Variants in SCFD2 observed in about 807,000 individuals in gnomAD.
SCFD2 encodes the protein sec1 family domain-containing protein 2.
SCFD2 carries 54 observed loss-of-function variants against 58.9 expected under a neutral mutation model. The ratio of observed to expected loss-of-function variants is 0.92; its 90% CI spans 0.74 to 1.15. The LOEUF (loss-of-function observed/expected upper bound fraction) is 1.15, where lower values mean the gene tolerates loss of function less well. Among genes scored for constraint, SCFD2 ranks in the 50% most tolerant of loss-of-function variants. The probability of loss-of-function intolerance (pLI) is 0.00; values close to 1 mark genes in which losing one functional copy is unlikely to be tolerated. For missense variants in SCFD2, 805 were observed against 836.6 expected (o/e 0.96, Z 0.47); for synonymous variants, 321 against 335.9 (o/e 0.96, Z 0.49).
At chr4:53,361,311 C>A (rs1400505836) in intron 1 of SCFD2, among the ~76,000 whole-genome samples, 1 of 152,150 alleles carries the variant, frequency 6.6e-6, no homozygotes, top group Non-Finnish European at 1.5e-5. Context: ...AACTTTTGAG[C>A]CTCAATATCT....
Position 53,109,054 on chromosome 4 carries a change from G to A in SCFD2, c.1561+36279C>T, listed in dbSNP as rs996667753. On this transcript the variant is annotated intron_variant, in intron 5 of 8. Coordinates refer to ENST00000401642, the MANE Select transcript of SCFD2 (RefSeq NM_152540.4). Reference sequence around the variant, plus strand: ...AGCTTCATACCTGGGATGCAAGACTGGTTCAACATATGCAAATCAACAAAT... The same window carrying A: ...AGCTTCATACCTGGGATGCAAGACTAGTTCAACATATGCAAATCAACAAAT... Among the ~76,000 whole-genome samples, 5 of 152,260 alleles carry A rather than the reference G, an allele frequency of 3.3e-5. 1 individual carries two copies. Among genetic ancestry groups the A allele is most frequent in the East Asian group, 3.9e-4 (2 of 5,184 alleles).
intron 4 of SCFD2, among the ~76,000 whole-genome samples, chr4:53,189,555 G>A (rs1727835524): frequency 6.6e-6 from 1 of 152,134 alleles, no homozygotes; most frequent in Non-Finnish European, 1.5e-5. Flanking sequence ...AGAGCAGTAA[G>A]GGAGGAATTC....
chr4:52,907,331 T>G, intron 7 of SCFD2, 126 bp downstream of exon 7: 1 of 928,146 alleles, frequency 1.1e-6, no homozygotes, highest in East Asian at 2.4e-5. Flanking sequence ...CCCTTGATTT[T>G]AGAAGAGCCA....
chr4:53,076,378 G>T (rs1723974770), intron 5 of SCFD2, among the ~76,000 whole-genome samples: 2 of 152,070 alleles, frequency 1.3e-5, no homozygotes. Flanking sequence ...AGACAGAATG[G>T]CAGGCAAGAG....
intron 1 of SCFD2, among the ~76,000 whole-genome samples, chr4:53,359,378 T>G (rs575698875): frequency 6.6e-6 from 1 of 152,190 alleles, no homozygotes; most frequent in African/African-American, 2.4e-5. Flanking sequence ...TTCCTTTTGG[T>G]CTCTATATTA....
chr4:53,196,761 G>T (rs1728070719), intron 4 of SCFD2, among the ~76,000 whole-genome samples: 1 of 149,826 alleles, frequency 6.7e-6, no homozygotes, highest in Non-Finnish European at 1.5e-5. Flanking sequence ...GGGGGAAGGA[G>T]AATTCAACTT....
At chr4:53,284,118 C>CAAA (rs561985080) in intron 3 of SCFD2, among the ~76,000 whole-genome samples, 1 of 82,224 alleles carries the variant, frequency 1.2e-5, no homozygotes. Context: ...GACTCCATCT[C>CAAA]AAAAAAAAAA....
At chr4:52,964,409 C>T (rs1417981121) in intron 5 of SCFD2, among the ~76,000 whole-genome samples, 1 of 152,138 alleles carries the variant, frequency 6.6e-6, no homozygotes, top group Non-Finnish European at 1.5e-5. Context: ...ACAGGTCCAA[C>T]TTTTCCAAAA....
intron 4 of SCFD2, among the ~76,000 whole-genome samples, chr4:53,272,420 T>C (rs1461141041): frequency 6.6e-6 from 1 of 152,180 alleles, no homozygotes; most frequent in Non-Finnish European, 1.5e-5. Context: ...ATTGCAGCAC[T>C]ATTCACAATA....
chr4:52,959,634 C>G (rs2109539101), intron 5 of SCFD2, among the ~76,000 whole-genome samples: 1 of 152,276 alleles, frequency 6.6e-6, no homozygotes, highest in African/African-American at 2.4e-5. Flanking sequence ...TTATATGACA[C>G]AAGCTCTTGC....
At chr4:53,133,268 C>T (rs1403076908) in intron 5 of SCFD2, among the ~76,000 whole-genome samples, 1 of 142,232 alleles carries the variant, frequency 7.0e-6, no homozygotes, top group Non-Finnish European at 1.5e-5. Flanking sequence ...GCGGAGCTTG[C>T]AGTGAGCCCA....
chr4:52,985,184 G>T (rs896713057), intron 5 of SCFD2, among the ~76,000 whole-genome samples: 4 of 152,162 alleles, frequency 2.6e-5, no homozygotes, highest in African/African-American at 9.7e-5. Context: ...CTGTGTGACT[G>T]CTCCTTCGCA....
intron 4 of SCFD2, among the ~76,000 whole-genome samples, chr4:53,204,691 C>A: frequency 1.4e-5 from 2 of 143,986 alleles, no homozygotes; most frequent in South Asian, 2.4e-4. Context: ...TGTGTGATTC[C>A]ATACTGAAAG....
intron 5 of SCFD2, among the ~76,000 whole-genome samples, chr4:53,110,798 A>G (rs1284719397): frequency 6.6e-6 from 1 of 152,216 alleles, no homozygotes; most frequent in Admixed American, 6.5e-5. Flanking sequence ...ATGGATCTAG[A>G]ACCAGAAATA....
intron 4 of SCFD2, among the ~76,000 whole-genome samples, chr4:53,182,079 A>T (rs1727581290): frequency 6.6e-6 from 1 of 152,200 alleles, no homozygotes; most frequent in Non-Finnish European, 1.5e-5. Flanking sequence ...CATATTGCCC[A>T]AGGTAATTTA....
chr4:52,901,398 T>C (rs561787518), intron 7 of SCFD2, among the ~76,000 whole-genome samples: 6 of 152,298 alleles, frequency 3.9e-5, no homozygotes, highest in African/African-American at 1.4e-4. Flanking sequence ...GTGGAAGTGA[T>C]GTTATGTGGC....
At chr4:52,980,912 C>T (rs1721363038) in intron 5 of SCFD2, among the ~76,000 whole-genome samples, 1 of 152,062 alleles carries the variant, frequency 6.6e-6, no homozygotes, top group African/African-American at 2.4e-5. Flanking sequence ...GAGAGCTGGG[C>T]CCAGCATTTG....
At chr4:53,167,996 A>C (rs1727058446) in intron 4 of SCFD2, among the ~76,000 whole-genome samples, 4 of 152,334 alleles carry the variant, frequency 2.6e-5, no homozygotes, top group South Asian at 2.1e-4. Flanking sequence ...TATATATACC[A>C]CACACAATAC....
At chr4:53,093,477 T>C (rs931604676) in intron 5 of SCFD2, among the ~76,000 whole-genome samples, 2 of 152,146 alleles carry the variant, frequency 1.3e-5, no homozygotes, top group African/African-American at 4.8e-5. Context: ...CAGGAATTCT[T>C]CTTCTAGGAA....
Sources: allele counts gnomAD v4.1 joint callset (sites outside exome capture counted in the v4.1 genomes callset), GRCh38; gene constraint gnomAD v4.1.1; transcripts MANE v1.5; gene names NCBI Gene and HGNC (gene_info 2026-07-23, HGNC 2026-07-21).